The following EYS variants were observed in gnomAD, a reference collection of about 807,000 sequenced individuals.
EYS encodes protein eyes shut homolog.
In EYS, 250 loss-of-function variants were observed where a neutral mutation model predicts 282.1. That is an observed-to-expected ratio of 0.89 (90% confidence interval 0.80 to 0.98). The LOEUF (loss-of-function observed/expected upper bound fraction) is 0.98. Among genes scored for constraint, EYS ranks in the 50% least tolerant of loss-of-function variants. The pLI is 0.00. For synonymous variants in EYS, 1,355 were observed against 1,282.9 expected (o/e 1.06, Z -1.20); for missense variants, 4,016 against 3,709.0 (o/e 1.08, Z -2.15).
chr6:64,841,448 T>G (rs980477), intron 19 of EYS, among the ~76,000 whole-genome samples: 2,609 of 152,282 alleles, frequency 0.017, 75 homozygotes, highest in African/African-American at 0.059. Context: ...TATTTATATT[T>G]CTACCATCTT....
chr6:64,944,764 A>G (rs142057045), intron 15 of EYS, among the ~76,000 whole-genome samples: 1 of 152,022 alleles, frequency 6.6e-6, no homozygotes, highest in African/African-American at 2.4e-5. Context: ...CCGATTGTAC[A>G]TTTGTTCAAT....
intron 26 of EYS, among the ~76,000 whole-genome samples, chr6:64,573,007 T>C (rs1765773534): frequency 6.6e-6 from 1 of 152,166 alleles, no homozygotes; most frequent in Non-Finnish European, 1.5e-5. Flanking sequence ...GGCATCATGC[T>C]ACCTGACTTC....
chr6:64,592,546 T>G (rs1766445936), intron 25 of EYS, among the ~76,000 whole-genome samples: 1 of 152,160 alleles, frequency 6.6e-6, no homozygotes, highest in African/African-American at 2.4e-5. Flanking sequence ...AGGGCTACAA[T>G]TCTTACTCTG....
intron 5 of EYS, among the ~76,000 whole-genome samples, chr6:65,419,705 T>C (rs1052494707): frequency 6.6e-6 from 1 of 151,996 alleles, no homozygotes; most frequent in Non-Finnish European, 1.5e-5. Context: ...ATTATCAATA[T>C]AAAACATTAT....
At chr6:64,570,274 C>T (rs1239368518) in intron 26 of EYS, among the ~76,000 whole-genome samples, 1 of 152,156 alleles carries the variant, frequency 6.6e-6, no homozygotes, top group African/African-American at 2.4e-5. Flanking sequence ...GCCTGCCTTA[C>T]CAGAGCTCCT....
At chr6:63,725,141 T>C (rs1410839809) in intron 42 of EYS, among the ~76,000 whole-genome samples, 1 of 152,170 alleles carries the variant, frequency 6.6e-6, no homozygotes, top group Non-Finnish European at 1.5e-5. Context: ...GATTTTCTTA[T>C]ATAAGTGTCA....
At chr6:64,828,567 T>C (rs1765126502) in intron 19 of EYS, among the ~76,000 whole-genome samples, 1 of 151,980 alleles carries the variant, frequency 6.6e-6, no homozygotes, top group Non-Finnish European at 1.5e-5. Context: ...CAGAGAATTA[T>C]CCTGAAATTG....
chr6:64,104,351 GGA>G (rs1209646307), intron 31 of EYS, among the ~76,000 whole-genome samples: 1 of 151,972 alleles, frequency 6.6e-6, no homozygotes, highest in South Asian at 2.1e-4. Context: ...GTAGTAGGAA[GGA>G]GAGAGAGAGT....
At chr6:65,683,652 A>C (rs1033425038) in intron 1 of EYS, among the ~76,000 whole-genome samples, 1 of 152,028 alleles carries the variant, frequency 6.6e-6, no homozygotes, top group African/African-American at 2.4e-5. Flanking sequence ...TTTTATTAAG[A>C]TAAGTACTCT....
chr6:65,347,248 T>A (rs1330146847), intron 9 of EYS, among the ~76,000 whole-genome samples: 4 of 151,776 alleles, frequency 2.6e-5, no homozygotes, highest in African/African-American at 9.7e-5. Flanking sequence ...GATTGCATTA[T>A]GAATAGAGCT....
chr6:64,344,302 T>A (rs1248414076), intron 29 of EYS, among the ~76,000 whole-genome samples: 2 of 151,738 alleles, frequency 1.3e-5, no homozygotes, highest in African/African-American at 2.4e-5. Flanking sequence ...GATGCAAAAA[T>A]CCTCAATAAA....
chr6:65,674,338 C>A lies in EYS; in HGVS notation c.-448+32797G>T, dbSNP rs558972387. 2.0e-5 allele frequency among the ~76,000 whole-genome samples: 3 copies of A among 149,024 alleles called. No individual in the cohort carries two copies. In the East Asian group the frequency reaches 6.1e-4, roughly 30 times the overall value. Reference sequence around the variant, plus strand: ...ACAACAATAAGACACAATGTAATCACATTGTCAGAAATAAAAGACAAAGAG... The same window carrying A: ...ACAACAATAAGACACAATGTAATCAAATTGTCAGAAATAAAAGACAAAGAG... On this transcript the variant is annotated intron_variant, in intron 1 of 42. Transcript: ENST00000503581.
At chr6:63,906,123 A>G (rs2149734649) in intron 35 of EYS, among the ~76,000 whole-genome samples, 1 of 152,362 alleles carries the variant, frequency 6.6e-6, no homozygotes. Context: ...AAATGTAGGA[A>G]GATATTTCGA....
chr6:64,683,142 G>T (rs1189442232), intron 22 of EYS, among the ~76,000 whole-genome samples: 4 of 152,202 alleles, frequency 2.6e-5, no homozygotes, highest in Admixed American at 2.6e-4. Context: ...TCATCTGTCT[G>T]CTAAAGGCAG....
intron 13 of EYS, among the ~76,000 whole-genome samples, chr6:65,035,268 C>A (rs1405965337): frequency 6.6e-6 from 1 of 152,046 alleles, no homozygotes; most frequent in Non-Finnish European, 1.5e-5. Context: ...AGGCTGGAAG[C>A]ATTCTCCTTG....
chr6:63,771,655 C>T (rs1302822840), intron 40 of EYS, among the ~76,000 whole-genome samples: 3 of 152,106 alleles, frequency 2.0e-5, no homozygotes, highest in Non-Finnish European at 4.4e-5. Context: ...AAGTAACTGA[C>T]ATCTGAGTTA....
At chr6:64,917,900 G>A (rs994333527) in intron 15 of EYS, among the ~76,000 whole-genome samples, 3 of 151,960 alleles carry the variant, frequency 2.0e-5, no homozygotes, top group African/African-American at 7.3e-5. Flanking sequence ...AAACTGCTAG[G>A]TGAAAAAGAA....
chr6:64,279,466 T>C (rs951747618), intron 30 of EYS, among the ~76,000 whole-genome samples: 4 of 152,152 alleles, frequency 2.6e-5, no homozygotes, highest in Non-Finnish European at 4.4e-5. Flanking sequence ...CTACTTCCCA[T>C]ACCTCTCTAG....
At chr6:65,066,017 G>A (rs1043147150) in intron 12 of EYS, among the ~76,000 whole-genome samples, 3 of 152,026 alleles carry the variant, frequency 2.0e-5, no homozygotes, top group African/African-American at 7.3e-5. Flanking sequence ...CAAACATCTT[G>A]GTTTAATTAG....
Sources: allele counts gnomAD v4.1 joint callset (sites outside exome capture counted in the v4.1 genomes callset), GRCh38; gene constraint gnomAD v4.1.1; transcripts MANE v1.5; gene names NCBI Gene and HGNC (gene_info 2026-07-23, HGNC 2026-07-21).